Variants in OTOG observed in about 807,000 individuals in gnomAD.
The protein encoded by OTOG is otogelin.
A neutral mutation model predicts 313.8 loss-of-function variants in OTOG; 296 were observed. That is an observed-to-expected ratio of 0.94 (90% CI 0.86 to 1.04). The LOEUF is 1.04. Ranked by LOEUF, OTOG falls within the 50% of genes least tolerant of loss-of-function variation. The pLI is 0.00. For missense variants in OTOG, 3,948 were observed against 3,840.1 expected (o/e 1.03, Z -0.74); for synonymous variants, 1,533 against 1,554.9 (o/e 0.99, Z 0.33).
intron 23 of OTOG, among the ~76,000 whole-genome samples, chr11:17,581,665 C>T (rs1852669941): frequency 6.6e-6 from 1 of 152,074 alleles, no homozygotes; most frequent in East Asian, 1.9e-4. Flanking sequence ...CCTAAGTATA[C>T]CGTGTGTTAG....
chr11:17,628,968 T>C (rs1205454434), intron 39 of OTOG, among the ~76,000 whole-genome samples, 165 bp from the exon 40 acceptor site: 1 of 152,242 alleles, frequency 6.6e-6, no homozygotes, highest in Non-Finnish European at 1.5e-5. Context: ...GTGATTTGGC[T>C]GCATGTGCCT....
At chr11:17,604,261 G>A (rs1373688604) in intron 32 of OTOG, among the ~76,000 whole-genome samples, 1 of 152,258 alleles carries the variant, frequency 6.6e-6, no homozygotes, top group Non-Finnish European at 1.5e-5. Flanking sequence ...CAAGGTCTCT[G>A]CCCTGTTAGG....
At chr11:17,548,446 TTTTTTTTTTTAG>T (rs1851859975) in intron 3 of OTOG, among the ~76,000 whole-genome samples, 2 of 70,364 alleles carry the variant, frequency 2.8e-5, no homozygotes, top group East Asian at 7.9e-4. Context: ...TTTTTTTTTT[TTTTTTTTTTTAG>T]GAGAGGTGGG....
At chr11:17,570,105 G>T in intron 16 of OTOG, 108 bp from the exon 17 acceptor site, 1 of 1,047,578 alleles carries the variant, frequency 9.5e-7, no homozygotes, top group Non-Finnish European at 1.4e-6. Context: ...GGCAGGGGGC[G>T]AAGACTGGGC....
At chr11:17,591,206 A>G (rs1438120137) in intron 24 of OTOG, among the ~76,000 whole-genome samples, 1 of 152,186 alleles carries the variant, frequency 6.6e-6, no homozygotes, top group Non-Finnish European at 1.5e-5. Context: ...TTGGAGTTAA[A>G]TAGATCTGGG....
chr11:17,552,927 C>T (rs1851975089), intron 4 of OTOG, among the ~76,000 whole-genome samples, 192 bp from the exon 5 acceptor site: 3 of 152,242 alleles, frequency 2.0e-5, no homozygotes, highest in Admixed American at 2.0e-4. Context: ...CCCTGCGACC[C>T]CACCCCACCG....
chr11:17,551,200 G>A (rs1475847195), intron 3 of OTOG, among the ~76,000 whole-genome samples: 1 of 152,186 alleles, frequency 6.6e-6, no homozygotes, highest in African/African-American at 2.4e-5. Context: ...AAGGGAGGAG[G>A]AGCCAACTGT....
chr11:17,554,123 G>A lies in OTOG; in HGVS notation c.540+604G>A, dbSNP rs535741713. ...TCATTGGGTGCTAAGAAAGAGACTA[G>A]GGCCTCAGAGAAATGATGGAGGTCC... On this transcript the variant is annotated intron_variant, in intron 6 of 55. Coordinates refer to ENST00000399397, the MANE Select transcript of OTOG (RefSeq NM_001292063.2). 4.6e-5 allele frequency among the ~76,000 whole-genome samples: 7 copies of A among 152,268 alleles called. No individual in the cohort carries two copies. The South Asian group carries it at 1.0e-3, about 23-fold the overall frequency.
chr11:17,584,578 T>C (rs904243341), intron 23 of OTOG, among the ~76,000 whole-genome samples: 4 of 151,962 alleles, frequency 2.6e-5, no homozygotes, highest in African/African-American at 4.8e-5. Context: ...CAGGCTGGAG[T>C]GCAGTGCCTC....
At chr11:17,609,561 C>T in intron 35 of OTOG, 94 bp from the exon 36 acceptor site, 2 of 1,149,438 alleles carry the variant, frequency 1.7e-6, no homozygotes, top group Non-Finnish European at 2.4e-6. Flanking sequence ...ACCGAGAGTG[C>T]CAGTCCTCAA....
chr11:17,568,056 C>A (rs551716844), intron 15 of OTOG, among the ~76,000 whole-genome samples: 62 of 152,222 alleles, frequency 4.1e-4, no homozygotes, highest in Non-Finnish European at 6.0e-4. Context: ...TACAGGCACC[C>A]GCCACCATGC....
chr11:17,608,402 G>T lies in OTOG; in HGVS notation c.4263G>T (p.Arg1421=). The T allele has an allele frequency of 6.5e-7, 1 of 1,541,364 alleles. No individual in the cohort carries two copies. The highest frequency in any genetic ancestry group is 8.7e-7 in the Non-Finnish European group (1 of 1,143,360). ...GGGACCCACGGGCAGCCAGCTGCCG[G>T]GACGTACCCAGGTGAGATGCCAGGG... The part of the protein sequence containing the change: ...TCRDPRAASC[R]DVPRVEGCVP... Residue 1421 remains arginine, a synonymous_variant, in exon 34 of 56, where the codon CGG becomes CGT. Coordinates refer to ENST00000399397, the MANE Select transcript of OTOG (RefSeq NM_001292063.2).
intron 29 of OTOG, 90 bp downstream of exon 29, chr11:17,596,244 G>A: frequency 1.0e-6 from 1 of 958,054 alleles, no homozygotes; most frequent in Non-Finnish European, 1.6e-6. Context: ...TGTCTCAGAG[G>A]AGACAGCTCA....
intron 23 of OTOG, among the ~76,000 whole-genome samples, chr11:17,585,371 T>C (rs988953209): frequency 6.6e-6 from 1 of 152,220 alleles, no homozygotes; most frequent in African/African-American, 2.4e-5. Flanking sequence ...GTTCCAGATA[T>C]TGGTAATTTG....
At chr11:17,586,097 C>G (rs56711466) in intron 23 of OTOG, among the ~76,000 whole-genome samples, 1 of 152,146 alleles carries the variant, frequency 6.6e-6, no homozygotes, top group African/African-American at 2.4e-5. Flanking sequence ...GGCCTGTGGT[C>G]TGAGAGCTCC....
chr11:17,607,440 A>C (rs1345867309), intron 33 of OTOG, among the ~76,000 whole-genome samples: 2 of 152,344 alleles, frequency 1.3e-5, no homozygotes, highest in Admixed American at 6.5e-5. Context: ...GGTGCTAGCC[A>C]CAGGGCCTCT....
intron 6 of OTOG, among the ~76,000 whole-genome samples, chr11:17,555,206 G>GGTGTGTGTGT (rs546703977): frequency 1.0e-5 from 1 of 98,636 alleles, no homozygotes; most frequent in African/African-American, 5.5e-5. Flanking sequence ...CGGGGGCAGA[G>GGTGTGTGTGT]ATGTGTGTGT....
chr11:17,609,592 CCAGCAATGACCCCCGGGG>C (rs773403838), intron 35 of OTOG, 45 bp from the exon 36 acceptor site: 948 of 1,376,736 alleles, frequency 6.9e-4, no homozygotes, highest in Non-Finnish European at 8.6e-4. Flanking sequence ...ACAGCCCTGC[CCAGCAATGACCCCCGGGG>C]CAGCAGTCAC....
intron 54 of OTOG, among the ~76,000 whole-genome samples, 151 bp downstream of exon 54, chr11:17,643,657 A>G (rs1170037409): frequency 1.3e-5 from 2 of 152,226 alleles, no homozygotes; most frequent in Non-Finnish European, 2.9e-5. Context: ...CCCACACCAC[A>G]GGGCTCACGG....
Sources: allele counts gnomAD v4.1 joint callset (sites outside exome capture counted in the v4.1 genomes callset), GRCh38; gene constraint gnomAD v4.1.1; transcripts MANE v1.5; gene names NCBI Gene and HGNC (gene_info 2026-07-23, HGNC 2026-07-21).